Variants in PKIB observed in about 807,000 individuals in gnomAD.
PKIB encodes the protein cAMP-dependent protein kinase inhibitor beta.
In PKIB, 2 loss-of-function variants were observed where a neutral mutation model predicts 4.5. That is an observed-to-expected ratio of 0.44 (90% CI 0.18 to 1.39). The LOEUF (loss-of-function observed/expected upper bound fraction) is 1.39, where lower values mean the gene tolerates loss of function less well. Among genes scored for constraint, PKIB ranks in the 40% most tolerant of loss-of-function variants. The probability of loss-of-function intolerance (pLI) is 0.27; values close to 1 mark genes in which losing one functional copy is unlikely to be tolerated. For missense variants in PKIB, 94 were observed against 92.6 expected, an observed-to-expected ratio of 1.02 and a Z score of -0.06; for synonymous variants, 38 against 36.0, an observed-to-expected ratio of 1.06 and a Z score of -0.20.
At chr6:122,548,901 C>T (rs960136432) in intron 2 of PKIB, among the ~76,000 whole-genome samples, 11 of 152,038 alleles carry the variant, frequency 7.2e-5, no homozygotes, top group Admixed American at 2.0e-4. Context: ...TAGTTATAAT[C>T]CAATGTTTAA....
At chr6:122,599,232 G>A (rs1228386687) in intron 3 of PKIB, among the ~76,000 whole-genome samples, 1 of 152,170 alleles carries the variant, frequency 6.6e-6, no homozygotes, top group African/African-American at 2.4e-5. Context: ...GCATGGGTCA[G>A]GAAGGGGATG....
chr6:122,508,511 G>A (rs1351025099), intron 2 of PKIB, among the ~76,000 whole-genome samples: 1 of 152,184 alleles, frequency 6.6e-6, no homozygotes, highest in Non-Finnish European at 1.5e-5. Flanking sequence ...GCATTAGTAA[G>A]TATGGGGGAA....
At chr6:122,586,424 C>T (rs139727636) in intron 3 of PKIB, among the ~76,000 whole-genome samples, 5 of 152,082 alleles carry the variant, frequency 3.3e-5, no homozygotes, top group African/African-American at 1.2e-4. Context: ...TTACAAATTA[C>T]GTTGTCTTTA....
intron 1 of PKIB, among the ~76,000 whole-genome samples, chr6:122,631,988 A>G (rs1007270641): frequency 6.6e-6 from 1 of 152,194 alleles, no homozygotes; most frequent in Non-Finnish European, 1.5e-5. Flanking sequence ...TTACTGTCCC[A>G]GTGTGAAAGG....
chr6:122,721,794 T>C (rs1779755144), intron 4 of PKIB, among the ~76,000 whole-genome samples: 1 of 134,762 alleles, frequency 7.4e-6, no homozygotes, highest in Non-Finnish European at 1.5e-5. Flanking sequence ...TAAAGTAACA[T>C]GTTACTACAT....
intron 3 of PKIB, among the ~76,000 whole-genome samples, chr6:122,678,658 T>C (rs112829322): frequency 2.2e-3 from 335 of 152,270 alleles, no homozygotes; most frequent in African/African-American, 7.9e-3. Context: ...GAATCCAGTA[T>C]AGTCCTAGTT....
At chr6:122,543,369 T>G (rs1459902201) in intron 2 of PKIB, among the ~76,000 whole-genome samples, 3 of 150,632 alleles carry the variant, frequency 2.0e-5, no homozygotes, top group East Asian at 1.9e-4. Flanking sequence ...TTTTTTTTTT[T>G]TTTGTTTGTT....
At chr6:122,510,918 C>T (rs936779932) in intron 2 of PKIB, among the ~76,000 whole-genome samples, 6 of 152,090 alleles carry the variant, frequency 3.9e-5, no homozygotes, top group Admixed American at 1.3e-4. Flanking sequence ...GTCTTGGGCT[C>T]CCTCTCCTAG....
At position 122,570,113 on chromosome 6, in the gene PKIB, G is replaced by A. The variant is rs772138211; in HGVS notation, c.-247-15808G>A. On this transcript the variant is annotated intron_variant, in intron 2 of 6. Transcript: ENST00000392491. ...CACTTTCCAGGTCAGGCTTTCATGA[G>A]AGGCAGAGTCACAACTCCTCTTTAC... Among the ~76,000 whole-genome samples the A allele has an allele frequency of 2.0e-5, 3 of 152,202 alleles. No homozygotes were observed. The East Asian group carries it at 5.8e-4, about 29-fold the overall frequency.
intron 4 of PKIB, among the ~76,000 whole-genome samples, 156 bp downstream of exon 4, chr6:122,718,119 C>A (rs916107664): frequency 2.0e-5 from 3 of 152,166 alleles, no homozygotes; most frequent in African/African-American, 7.2e-5. Context: ...AGTAGATGTT[C>A]AGCCTTTTCC....
intron 1 of PKIB, among the ~76,000 whole-genome samples, chr6:122,629,837 G>C (rs1387456792): frequency 6.6e-6 from 1 of 152,064 alleles, no homozygotes; most frequent in Non-Finnish European, 1.5e-5. Flanking sequence ...TTAAAAACAA[G>C]GAAAGTCTAA....
intron 3 of PKIB, among the ~76,000 whole-genome samples, chr6:122,591,236 C>T (rs1410658308): frequency 3.3e-5 from 5 of 151,540 alleles, no homozygotes; most frequent in Admixed American, 1.3e-4. Flanking sequence ...CATACACACA[C>T]GTTTTCCCAG....
chr6:122,498,000 A>T (rs1411185333), intron 2 of PKIB, among the ~76,000 whole-genome samples: 1 of 152,204 alleles, frequency 6.6e-6, no homozygotes, highest in Non-Finnish European at 1.5e-5. Context: ...AAAAATCAAA[A>T]TAATACCAAC....
intron 2 of PKIB, among the ~76,000 whole-genome samples, chr6:122,568,221 T>C (rs1213616030): frequency 1.3e-5 from 2 of 152,208 alleles, no homozygotes; most frequent in Non-Finnish European, 2.9e-5. Context: ...TGACAATGTT[T>C]ACTTGTTTAA....
intron 2 of PKIB, among the ~76,000 whole-genome samples, chr6:122,667,369 C>G (rs1777265420): frequency 6.6e-6 from 1 of 152,068 alleles, no homozygotes; most frequent in African/African-American, 2.4e-5. Context: ...AACCCCGTCT[C>G]TACCAAAAAT....
chr6:122,523,085 A>G (rs1470768547), intron 2 of PKIB, among the ~76,000 whole-genome samples: 1 of 152,184 alleles, frequency 6.6e-6, no homozygotes, highest in Non-Finnish European at 1.5e-5. Context: ...GAAAAACTTC[A>G]GTTTTCACTA....
At chr6:122,658,930 A>G (rs1392928329) in intron 2 of PKIB, among the ~76,000 whole-genome samples, 1 of 150,424 alleles carries the variant, frequency 6.6e-6, no homozygotes, top group Non-Finnish European at 1.5e-5. Context: ...GTTGAACAAA[A>G]AAGAATCATA....
chr6:122,698,528 G>A (rs1046885664), intron 3 of PKIB, among the ~76,000 whole-genome samples: 6 of 152,086 alleles, frequency 3.9e-5, no homozygotes, highest in Admixed American at 3.9e-4. Context: ...CCACTGTAAT[G>A]GTGTATAGTA....
At chr6:122,484,937 A>C (rs975707315) in intron 2 of PKIB, among the ~76,000 whole-genome samples, 26 of 152,306 alleles carry the variant, frequency 1.7e-4, no homozygotes, top group Middle Eastern at 3.4e-3. Flanking sequence ...CTAGCAGCAG[A>C]AGTTCAACCA....
Sources: gnomAD v4.1 joint callset for allele counts (sites outside exome capture counted in the v4.1 genomes callset) on GRCh38, gnomAD v4.1.1 for gene constraint, MANE v1.5 for transcripts, NCBI Gene and HGNC (gene_info 2026-07-23, HGNC 2026-07-21) for gene names.